The following USO1 variants were observed in gnomAD, a reference collection of about 807,000 sequenced individuals.
USO1 encodes general vesicular transport factor p115.
In USO1, 57 loss-of-function variants were observed where a neutral mutation model predicts 124.5. The observed-to-expected ratio is 0.46, with a 90% CI of 0.37 to 0.57. USO1 has a LOEUF of 0.57. Among genes scored for constraint, USO1 ranks in the 20% least tolerant of loss-of-function variants. The pLI is 0.00. For missense variants in USO1, 900 were observed against 1,040.6 expected (o/e 0.86, Z 1.86); for synonymous variants, 369 against 362.8 (o/e 1.02, Z -0.19).
chr4:75,770,099 A>G (rs564912484), intron 4 of USO1: 2 of 163,372 alleles, frequency 1.2e-5, no homozygotes, highest in Non-Finnish European at 2.7e-5. Flanking sequence ...AAGTGTCACC[A>G]CTACCACATT....
intron 1 of USO1, among the ~76,000 whole-genome samples, chr4:75,750,096 A>G (rs1219307204): frequency 1.3e-5 from 2 of 152,260 alleles, no homozygotes; most frequent in East Asian, 3.9e-4. Flanking sequence ...ATTTTCACCC[A>G]GTCTGTGGTT....
At chr4:75,782,381 AGTC>A (rs1722244562) in intron 8 of USO1, among the ~76,000 whole-genome samples, 1 of 152,240 alleles carries the variant, frequency 6.6e-6, no homozygotes, top group Non-Finnish European at 1.5e-5. Context: ...ACGCTAACCT[AGTC>A]CTGTAGTCTT....
intron 3 of USO1, among the ~76,000 whole-genome samples, chr4:75,756,693 A>T (rs1721455218): frequency 6.6e-6 from 1 of 151,568 alleles, no homozygotes; most frequent in Non-Finnish European, 1.5e-5. Flanking sequence ...TTTAATAGAG[A>T]CGGGGTTTCT....
At chr4:75,745,336 G>C (rs751079439) in intron 1 of USO1, 3 of 519,958 alleles carry the variant, frequency 5.8e-6, no homozygotes, top group Non-Finnish European at 1.2e-5. Context: ...TCAAAGGCTT[G>C]TCAGGGTGTT....
chr4:75,759,438 A>G (rs1321612613), intron 4 of USO1, among the ~76,000 whole-genome samples: 2 of 151,158 alleles, frequency 1.3e-5, no homozygotes, highest in Non-Finnish European at 3.0e-5. Flanking sequence ...TACTAAAAAT[A>G]CAAAAATTAG....
chr4:75,738,015 A>G (rs1359873289), intron 1 of USO1, among the ~76,000 whole-genome samples: 1 of 151,588 alleles, frequency 6.6e-6, no homozygotes, highest in Non-Finnish European at 1.5e-5. Flanking sequence ...TTGTATTTTT[A>G]GTAGAGACAG....
intron 9 of USO1, among the ~76,000 whole-genome samples, 179 bp from the exon 10 acceptor site, chr4:75,786,883 A>G (rs919327975): frequency 6.6e-6 from 1 of 152,222 alleles, no homozygotes; most frequent in African/African-American, 2.4e-5. Context: ...TAAGAGGCAT[A>G]ATGTAATATT....
At chr4:75,741,243 G>C (rs1169104973) in intron 1 of USO1, among the ~76,000 whole-genome samples, 1 of 152,148 alleles carries the variant, frequency 6.6e-6, no homozygotes, top group African/African-American at 2.4e-5. Context: ...TGGCATAAAA[G>C]ATAGTAAATA....
chr4:75,745,536 C>T (rs943823838), intron 1 of USO1, among the ~76,000 whole-genome samples: 2 of 152,154 alleles, frequency 1.3e-5, no homozygotes, highest in Admixed American at 6.6e-5. Flanking sequence ...AGACTCTGCT[C>T]CCAAACTGGT....
chr4:75,724,990 G>T, intron 1 of USO1, 105 bp downstream of exon 1: 1 of 1,254,064 alleles, frequency 8.0e-7, no homozygotes, highest in Non-Finnish European at 1.1e-6. Flanking sequence ...CCATGGAGGG[G>T]GCATCCACAT....
intron 3 of USO1, among the ~76,000 whole-genome samples, chr4:75,754,198 C>G (rs981161082): frequency 6.6e-6 from 1 of 152,082 alleles, no homozygotes; most frequent in African/African-American, 2.4e-5. Context: ...TTTCTCCTGC[C>G]TCAGCCTCCC....
At chr4:75,781,372 TTTAGAATA>T (rs1430510972) in intron 8 of USO1, among the ~76,000 whole-genome samples, 1 of 152,120 alleles carries the variant, frequency 6.6e-6, no homozygotes, top group Non-Finnish European at 1.5e-5. Context: ...CAACAAAGGA[TTTAGAATA>T]TTACATCAAC....
At chr4:75,752,630 T>C (rs1457263127) in intron 3 of USO1, 26 bp downstream of exon 3, 8 of 398,382 alleles carry the variant, frequency 2.0e-5, no homozygotes, top group African/African-American at 1.4e-4. Flanking sequence ...ATGATTTTTT[T>C]CCCTAATTTT....
chr4:75,764,526 G>C (rs1408332486), intron 4 of USO1, among the ~76,000 whole-genome samples: 1 of 151,988 alleles, frequency 6.6e-6, no homozygotes, highest in Non-Finnish European at 1.5e-5. Flanking sequence ...TACTAACCAA[G>C]GCTTGGTTAG....
intron 7 of USO1, 150 bp downstream of exon 7, chr4:75,771,287 T>TG (rs1449622224): frequency 2.9e-5 from 27 of 921,432 alleles, no homozygotes; most frequent in Non-Finnish European, 3.9e-5. Context: ...TAAACAGAGA[T>TG]GGGGGTCTCT....
At position 75,724,653 on chromosome 4, in the gene USO1, C is replaced by G. The variant is rs1577914581; in HGVS notation, c.-167C>G. ...TGCGCATCTTGGCCGCTGCTGGCGG[C>G]TGTTTCCGGGCTTAGAGGGCTGGAG... On this transcript the variant is annotated 5_prime_UTR_variant, in exon 1 of 24. Coordinates refer to ENST00000514213, the MANE Select transcript of USO1 (RefSeq NM_003715.4). 7 of 631,958 alleles carry G rather than the reference C, an allele frequency of 1.1e-5. No homozygotes were observed. Among genetic ancestry groups the G allele is most frequent in the African/African-American group, 1.9e-5 (1 of 51,850 alleles). 39.1% of individuals were successfully genotyped at this position (631,958 alleles called of 1,614,324 possible). A position where few individuals can be genotyped will look rare whatever the true frequency, so the allele number is the denominator to read the frequency against.
chr4:75,802,113 C>T (rs78208075), intron 17 of USO1, among the ~76,000 whole-genome samples: 476 of 152,188 alleles, frequency 3.1e-3, no homozygotes, highest in African/African-American at 0.011. Context: ...TAAGCCAGCG[C>T]GCCCAGCCTA....
At chr4:75,781,592 A>G (rs1190115635) in intron 8 of USO1, among the ~76,000 whole-genome samples, 1 of 152,210 alleles carries the variant, frequency 6.6e-6, no homozygotes, top group Non-Finnish European at 1.5e-5. Flanking sequence ...GTGTAAATGT[A>G]ACTTTTGTAT....
At chr4:75,771,039 A>G in intron 6 of USO1, 43 bp from the exon 7 acceptor site, 1 of 1,598,988 alleles carries the variant, frequency 6.3e-7, no homozygotes, top group Non-Finnish European at 8.5e-7. Context: ...CACTATTTGT[A>G]TTTTTGGTCT....
Sources: gnomAD v4.1 joint callset for allele counts (sites outside exome capture counted in the v4.1 genomes callset) on GRCh38, gnomAD v4.1.1 for gene constraint, MANE v1.5 for transcripts, NCBI Gene and HGNC (gene_info 2026-07-23, HGNC 2026-07-21) for gene names.